Variants in RBFA observed in about 807,000 individuals in gnomAD.
RBFA encodes putative ribosome-binding factor A, mitochondrial.
A neutral mutation model predicts 27.9 loss-of-function variants in RBFA; 16 were observed. The observed-to-expected ratio is 0.57, with a 90% CI of 0.39 to 0.87. The LOEUF (loss-of-function observed/expected upper bound fraction) is 0.87. Among genes scored for constraint, RBFA ranks in the 40% least tolerant of loss-of-function variants. The probability of loss-of-function intolerance (pLI) is 0.00; values close to 1 mark genes in which losing one functional copy is unlikely to be tolerated. For missense variants in RBFA, 456 were observed against 432.1 expected (o/e 1.06, Z -0.49); for synonymous variants, 181 against 181.0 (o/e 1.00, Z 0.00).
Position 80,034,558 on chromosome 18 carries a change from C to G in RBFA, c.63C>G (p.Ser21Arg). Residue 21 changes from serine (S) to arginine (R), a missense_variant, in exon 1 of 7, where the codon AGC becomes AGG. Physicochemically the swap from Ser to Arg is moderately radical, Grantham distance 110. Coordinates refer to ENST00000306735, the MANE Select transcript of RBFA (RefSeq NM_024805.3). The stretch of plus-strand genomic sequence containing the variant: ...CGGGTCTCCGGGCCCTGTTCCGTAG[C>G]CGCGATGCTGCGCTATTTCCAGGCT... ...SRAGLRALFR[S>R]RDAALFPGCE... is the part of the protein sequence containing the mutation. The G allele has an allele frequency of 6.2e-7, 1 of 1,608,770 alleles. No individual in the cohort carries two copies. Among genetic ancestry groups the G allele is most frequent in the East Asian group, 2.3e-5 (1 of 44,120 alleles).
chr18:80,044,435 C>T (rs1208154926), intron 6 of RBFA, 150 bp downstream of exon 6: 2 of 732,642 alleles, frequency 2.7e-6, no homozygotes, highest in African/African-American at 3.5e-5. Context: ...TCCACATTCA[C>T]AGGCCTGTGC....
rs2052053437 is a variant in RBFA, at chr18:80,046,260, C to T, written c.*105C>T. The T allele has an allele frequency of 1.1e-5, 14 of 1,256,566 alleles. No individual in the cohort carries two copies. The highest frequency in any genetic ancestry group is 1.5e-5 in the Non-Finnish European group (14 of 918,726). The allele number at this position is 1,256,566 out of a possible 1,614,324, so 77.8% of individuals were successfully genotyped here. A position where few individuals can be genotyped will look rare whatever the true frequency, so the allele number is the denominator to read the frequency against. ...TGATGGAGTTAAACCATCTGCTCTT[C>T]TGCTACTTCAACATTTTCTAGCTTT... is the stretch of plus-strand genomic sequence containing the variant. On this transcript the variant is annotated 3_prime_UTR_variant, in exon 7 of 7. Transcript: ENST00000306735.
Position 80,037,486 on chromosome 18 carries a change from C to T in RBFA, c.358C>T (p.Leu120Phe). The T allele has an allele frequency of 1.9e-6, 3 of 1,612,872 alleles. No homozygotes were observed. Among genetic ancestry groups the T allele is most frequent in the Non-Finnish European group, 2.5e-6 (3 of 1,179,012 alleles). ...TPEVSQELYD[L>F]NVELSKVSLT... The stretch of plus-strand genomic sequence containing the variant: ...TGAAGTGAGTCAGGAGCTGTATGAC[C>T]TTAACGTGGAGCTCTCCAAGGTAGG... Residue 120 changes from leucine to phenylalanine, a missense_variant, in exon 3 of 7, where the codon CTT becomes TTT. Physicochemically the swap from Leu to Phe is conservative, Grantham distance 22. Transcript: ENST00000306735.
rs10853397 is a variant in RBFA at position 80,048,745 on chromosome 18, A to G, written c.*2590A>G. Among the ~76,000 whole-genome samples the G allele has an allele frequency of 0.64, 96,244 of 150,650 alleles. 31,434 individuals carry two copies. The highest frequency in any genetic ancestry group is 0.71 in the Non-Finnish European group (48,196 of 67,510). On this transcript the variant is annotated 3_prime_UTR_variant, in exon 7 of 7. Transcript: ENST00000306735. ...CCAGGGAGAGGTGAAGTGCTGCAGG[A>G]GATCCAACCAGGCGCCGGCTCAGTG... is the stretch of plus-strand genomic sequence containing the variant.
rs544021174 is a variant in RBFA at position 80,049,565 on chromosome 18, G to C, written c.*3410G>C. Among the ~76,000 whole-genome samples, 12 of 152,334 alleles carry C rather than the reference G, an allele frequency of 7.9e-5. No homozygotes were observed. In the East Asian group the frequency reaches 2.3e-3, roughly 29 times the overall value. On this transcript the variant is annotated 3_prime_UTR_variant, in exon 7 of 7. Coordinates refer to ENST00000306735, the MANE Select transcript of RBFA (RefSeq NM_024805.3). Reference sequence around the variant, plus strand: ...GATGAAATGTGAAACGACTTCACAGGTTTTCAGTCTGATAAGCTCTCCTGT... The same window carrying C: ...GATGAAATGTGAAACGACTTCACAGCTTTTCAGTCTGATAAGCTCTCCTGT...
Position 80,050,551 on chromosome 18 carries a change from A to T in RBFA, c.*4396A>T, listed in dbSNP as rs1294325484. On this transcript the variant is annotated 3_prime_UTR_variant, in exon 7 of 7. Transcript: ENST00000306735. ...ATGCAATTAAATTGTTATTGACTAT[A>T]GTCACCCTTCTGTGCTGCTGCTCTA... Among the ~76,000 whole-genome samples the T allele has an allele frequency of 6.6e-6, 1 of 152,224 alleles. No homozygotes were observed. Among genetic ancestry groups the T allele is most frequent in the Non-Finnish European group, 1.5e-5 (1 of 68,044 alleles).
chr18:80,034,872 G>A, intron 1 of RBFA: 1 of 505,298 alleles, frequency 2.0e-6, no homozygotes, highest in Non-Finnish European at 3.5e-6. Context: ...GACAATGTGT[G>A]TTTATTTTGA....
intron 6 of RBFA, among the ~76,000 whole-genome samples, chr18:80,045,368 A>G (rs1191964885): frequency 6.6e-6 from 1 of 151,954 alleles, no homozygotes. Context: ...CTGGGATTAC[A>G]GGCGAGCGCC....
In RBFA at chr18:80,047,856, A is replaced by C. The variant is rs2052067048; in HGVS notation, c.*1701A>C. 6.6e-6 allele frequency among the ~76,000 whole-genome samples: 1 copy of C among 152,158 alleles called. No individual in the cohort carries two copies. Among genetic ancestry groups the C allele is most frequent in the African/African-American group, 2.4e-5 (1 of 41,422 alleles). ...GGGGTGTACATGTCTGTGGTTAATC[A>C]TATAGGTCAGGATAATGAGGTGATA... On this transcript the variant is annotated 3_prime_UTR_variant, in exon 7 of 7. Coordinates refer to ENST00000306735, the MANE Select transcript of RBFA (RefSeq NM_024805.3).
In RBFA at chr18:80,044,434, A is replaced by G. The variant is rs532000061; in HGVS notation, c.650+149A>G. The stretch of plus-strand genomic sequence containing the variant: ...CCTCCAGGGCCGGCAATCCACATTC[A>G]CAGGCCTGTGCTGTGGCCTGGCCAC... On this transcript the variant is annotated intron_variant, in intron 6 of 6. Transcript: ENST00000306735. 2.7e-4 allele frequency: 197 copies of G among 738,662 alleles called. 2 individuals are homozygous for G. The South Asian group carries it at 3.2e-3, about 12-fold the overall frequency. The allele number at this position is 738,662 out of a possible 1,614,324, so 45.8% of individuals were successfully genotyped here. A position where few individuals can be genotyped will look rare whatever the true frequency, so the allele number is the denominator to read the frequency against.
At chr18:80,041,014 C>T (rs897688566) in intron 4 of RBFA, among the ~76,000 whole-genome samples, 2 of 152,196 alleles carry the variant, frequency 1.3e-5, no homozygotes, top group Non-Finnish European at 2.9e-5. Flanking sequence ...CTTTCTGCCT[C>T]CCTTCTCATC....
chr18:80,042,910 AT>A (rs1034689769), intron 5 of RBFA, among the ~76,000 whole-genome samples: 37 of 152,120 alleles, frequency 2.4e-4, no homozygotes, highest in African/African-American at 7.2e-4. Flanking sequence ...TCTGGTTTTA[AT>A]TTTTTTATGC....
At chr18:80,045,271 G>C (rs2052043305) in intron 6 of RBFA, among the ~76,000 whole-genome samples, 1 of 146,916 alleles carries the variant, frequency 6.8e-6, no homozygotes, top group Admixed American at 7.0e-5. Flanking sequence ...CTGTCGCCCA[G>C]GTTAGAGTGC....
At position 80,046,047 on chromosome 18, in the gene RBFA, T is replaced by C. The variant is rs1568390486; in HGVS notation, c.924T>C (p.Val308=). Reference sequence around the variant, plus strand: ...AGGTTGAAGATGACCTGGACCTGGTTGGTGCCCCGGAGTACGAATGCTATG... The same window carrying C: ...AGGTTGAAGATGACCTGGACCTGGTCGGTGCCCCGGAGTACGAATGCTATG... ...GEEVEDDLDL[V]GAPEYECYAP... is the part of the protein sequence containing the mutation. Residue 308 remains valine, a synonymous_variant, in exon 7 of 7, where the codon GTT becomes GTC. Coordinates refer to ENST00000306735, the MANE Select transcript of RBFA (RefSeq NM_024805.3). 1.2e-6 allele frequency: 2 copies of C among 1,614,136 alleles called. No homozygotes were observed. Among genetic ancestry groups the C allele is most frequent in the South Asian group, 1.1e-5 (1 of 91,080 alleles).
intron 6 of RBFA, among the ~76,000 whole-genome samples, chr18:80,045,343 C>T (rs1186086536): frequency 6.6e-6 from 1 of 151,698 alleles, no homozygotes; most frequent in Non-Finnish European, 1.5e-5. Context: ...CCTCCTGCCT[C>T]AGCCTCCTGC....
chr18:80,035,662 C>T (rs1291012263), intron 1 of RBFA: 2 of 152,234 alleles, frequency 1.3e-5, no homozygotes, highest in African/African-American at 2.4e-5. Flanking sequence ...TTACTGTACT[C>T]TGGGAGAAAG....
intron 6 of RBFA, among the ~76,000 whole-genome samples, chr18:80,045,531 C>A (rs2052045468): frequency 6.6e-6 from 1 of 152,116 alleles, no homozygotes; most frequent in South Asian, 2.1e-4. Context: ...GGCGCAAATG[C>A]ATTTATTGCA....
chr18:80,047,891 CAA>C lies in RBFA; in HGVS notation c.*1738_*1739del, dbSNP rs949668863. ...GGATAATGAGGTGATACTGCAGTGA[CAA>C]ATGGCAAATCTCCCTGGCTTACAAC... On this transcript the variant is annotated 3_prime_UTR_variant, in exon 7 of 7. Coordinates refer to ENST00000306735, the MANE Select transcript of RBFA (RefSeq NM_024805.3). 6.6e-6 allele frequency among the ~76,000 whole-genome samples: 1 copy of C among 152,290 alleles called. No individual in the cohort carries two copies. The highest frequency in any genetic ancestry group is 2.1e-4 in the South Asian group (1 of 4,824).
intron 6 of RBFA, among the ~76,000 whole-genome samples, chr18:80,045,025 C>G (rs1019451605): frequency 1.3e-5 from 2 of 152,228 alleles, no homozygotes; most frequent in Non-Finnish European, 2.9e-5. Context: ...GGGCAGGGAG[C>G]TGAGCCCAGG....
Sources: gnomAD v4.1 joint callset for allele counts (sites outside exome capture counted in the v4.1 genomes callset) on GRCh38, gnomAD v4.1.1 for gene constraint, MANE v1.5 for transcripts, NCBI Gene and HGNC (gene_info 2026-07-23, HGNC 2026-07-21) for gene names.